PDE4D: variants seen among roughly 807,000 people sequenced by gnomAD.
PDE4D encodes 3',5'-cyclic-AMP phosphodiesterase 4D.
In PDE4D, 24 loss-of-function variants were observed where a neutral mutation model predicts 87.4. The observed-to-expected ratio is 0.27, with a 90% CI of 0.20 to 0.39. The LOEUF (loss-of-function observed/expected upper bound fraction) is 0.39, where lower values mean the gene tolerates loss of function less well. PDE4D is among the 10% of genes least tolerant of loss of function. PDE4D has a pLI of 1.00. For missense variants in PDE4D, 714 were observed against 1,041.0 expected, an observed-to-expected ratio of 0.69 and a Z score of 4.32; for synonymous variants, 384 against 383.2, an observed-to-expected ratio of 1.00 and a Z score of -0.02.
At chr5:59,816,567 A>T (rs1769001897) in intron 1 of PDE4D, among the ~76,000 whole-genome samples, 1 of 152,200 alleles carries the variant, frequency 6.6e-6, no homozygotes, top group African/African-American at 2.4e-5. Context: ...TATTATATCT[A>T]ATGATAGCAG....
chr5:59,142,913 T>A (rs915488820), intron 5 of PDE4D, among the ~76,000 whole-genome samples: 7 of 152,100 alleles, frequency 4.6e-5, no homozygotes, highest in Admixed American at 2.6e-4. Flanking sequence ...CGAGACTCCA[T>A]CTCAAAAAAA....
intron 5 of PDE4D, among the ~76,000 whole-genome samples, chr5:59,138,006 A>G (rs772470483): frequency 2.2e-4 from 34 of 152,236 alleles, no homozygotes; most frequent in Non-Finnish European, 3.8e-4. Context: ...TGTGAAAGGC[A>G]CAATAGCCCC....
At chr5:59,276,328 C>A (rs1195736129) in intron 1 of PDE4D, among the ~76,000 whole-genome samples, 1 of 152,050 alleles carries the variant, frequency 6.6e-6, no homozygotes, top group African/African-American at 2.4e-5. Context: ...ATTCCGTGAT[C>A]ACCTTTACAA....
At chr5:59,881,174 T>C (rs1432427392) in intron 1 of PDE4D, among the ~76,000 whole-genome samples, 1 of 152,184 alleles carries the variant, frequency 6.6e-6, no homozygotes, top group Non-Finnish European at 1.5e-5. Context: ...CATGCAGAAC[T>C]ACCAGATGCC....
At chr5:60,043,743 G>A (rs533335563) in intron 2 of PDE4D, among the ~76,000 whole-genome samples, 96 of 150,580 alleles carry the variant, frequency 6.4e-4, no homozygotes, top group African/African-American at 2.2e-3. Flanking sequence ...TTTTCTTTAC[G>A]TAGATTTCAG....
At chr5:58,995,870 T>TAAGA in intron 6 of PDE4D, among the ~76,000 whole-genome samples, 1 of 152,248 alleles carries the variant, frequency 6.6e-6, no homozygotes, top group Non-Finnish European at 1.5e-5. Flanking sequence ...ACTCTTTGCT[T>TAAGA]AAGACTTGGA....
chr5:59,087,596 G>A (rs1767940959), intron 5 of PDE4D, among the ~76,000 whole-genome samples: 1 of 152,166 alleles, frequency 6.6e-6, no homozygotes, highest in Admixed American at 6.6e-5. Context: ...TCCTGTCCTT[G>A]AGAAAGATCA....
chr5:59,314,761 T>C (rs894519701), intron 1 of PDE4D: 2 of 152,196 alleles, frequency 1.3e-5, no homozygotes, highest in Non-Finnish European at 2.9e-5. Flanking sequence ...ATTGCTCACA[T>C]GGTTCCTCCC....
chr5:59,877,339 A>T (rs1249001530), intron 1 of PDE4D, among the ~76,000 whole-genome samples: 1 of 152,114 alleles, frequency 6.6e-6, no homozygotes, highest in East Asian at 1.9e-4. Context: ...CATGGCAGAG[A>T]TTTTTAAAAA....
chr5:59,182,233 T>C (rs186769763), intron 4 of PDE4D, among the ~76,000 whole-genome samples: 62 of 150,984 alleles, frequency 4.1e-4, no homozygotes, highest in Middle Eastern at 3.4e-3. Context: ...TATATACCAG[T>C]AATTATCTTC....
intron 1 of PDE4D, among the ~76,000 whole-genome samples, chr5:60,276,530 TCA>T (rs953075235): frequency 7.9e-5 from 12 of 152,198 alleles, no homozygotes; most frequent in South Asian, 4.1e-4. Flanking sequence ...ACTTTAGCAT[TCA>T]CAGACAGCCA....
intron 2 of PDE4D, among the ~76,000 whole-genome samples, chr5:60,118,689 C>CTGGA (rs1446836629): frequency 6.6e-6 from 1 of 151,642 alleles, no homozygotes; most frequent in Admixed American, 6.6e-5. Context: ...TCCAACTATC[C>CTGGA]TACTTTTGAC....
chr5:59,498,340 A>G (rs1176982358), intron 1 of PDE4D, among the ~76,000 whole-genome samples: 1 of 151,230 alleles, frequency 6.6e-6, no homozygotes, highest in South Asian at 2.1e-4. Context: ...TAACTTTTGC[A>G]TAGTCAAAAT....
chr5:58,997,211 T>G (rs987751606), intron 6 of PDE4D, among the ~76,000 whole-genome samples: 2 of 152,162 alleles, frequency 1.3e-5, no homozygotes, highest in Non-Finnish European at 2.9e-5. Context: ...TATAAAAGTT[T>G]CAGTCCAGCA....
At chr5:59,178,664 A>G (rs1268967323) in intron 5 of PDE4D, among the ~76,000 whole-genome samples, 1 of 152,168 alleles carries the variant, frequency 6.6e-6, no homozygotes, top group African/African-American at 2.4e-5. Flanking sequence ...GTTGTCAGCC[A>G]CAACAATTTC....
chr5:59,379,554 G>T (rs1248301373), intron 1 of PDE4D, among the ~76,000 whole-genome samples: 1 of 151,704 alleles, frequency 6.6e-6, no homozygotes, highest in East Asian at 1.9e-4. Context: ...TTTGGATTCT[G>T]CTTTGCATTC....
In PDE4D at chr5:60,004,120, A is replaced by G. The variant is rs574040245; in HGVS notation, c.43-15403T>C. ...CACTGGTCTTGGTGATTATTATTTT[A>G]ATATGATACCAAAAGTGTAGGCAAC... On this transcript the variant is annotated intron_variant, in intron 2 of 16. Transcript: ENST00000502484. 2.0e-5 allele frequency among the ~76,000 whole-genome samples: 3 copies of G among 152,346 alleles called. No homozygotes were observed. In the South Asian group the frequency reaches 6.2e-4, roughly 32 times the overall value.
At chr5:59,984,108 A>G (rs1762182434) in intron 3 of PDE4D, among the ~76,000 whole-genome samples, 1 of 152,244 alleles carries the variant, frequency 6.6e-6, no homozygotes. Context: ...ATTTATGTGA[A>G]GTCCAAGAGG....
chr5:59,581,852 G>T (rs1013946443), intron 1 of PDE4D, among the ~76,000 whole-genome samples: 4 of 152,100 alleles, frequency 2.6e-5, no homozygotes, highest in African/African-American at 9.7e-5. Flanking sequence ...AAAGTTTTAT[G>T]TTTAATAGGA....
Sources: gnomAD v4.1 joint callset for allele counts (sites outside exome capture counted in the v4.1 genomes callset) on GRCh38, gnomAD v4.1.1 for gene constraint, MANE v1.5 for transcripts, NCBI Gene and HGNC (gene_info 2026-07-23, HGNC 2026-07-21) for gene names.